Variants in HMCN1 observed in about 807,000 individuals in gnomAD.
The protein encoded by HMCN1 is hemicentin 1.
HMCN1 carries 321 observed loss-of-function variants against 625.9 expected under a neutral mutation model. The ratio of observed to expected loss-of-function variants is 0.51; its 90% CI spans 0.47 to 0.56. The LOEUF (loss-of-function observed/expected upper bound fraction) is 0.56. Ranked by LOEUF, HMCN1 falls within the 20% of genes least tolerant of loss-of-function variation. The probability of loss-of-function intolerance (pLI) is 0.00; values close to 1 mark genes in which losing one functional copy is unlikely to be tolerated. For synonymous variants in HMCN1, 2,425 were observed against 2,417.6 expected (o/e 1.00, Z -0.09); for missense variants, 6,588 against 6,887.3 (o/e 0.96, Z 1.54).
Position 185,734,853 on chromosome 1 carries a change from GC to G in HMCN1, c.79del (p.Gln27SerfsTer22). On this transcript the variant is annotated frameshift_variant, in exon 1 of 107. Transcript: ENST00000271588. LOFTEE classifies it high-confidence loss of function. The stretch of plus-strand genomic sequence containing the variant: ...TATTCTTCCCTAGCTCAAGATGCGA[GC>G]CCCCAGTCAGAGATCAGAGCTGAGG... ...LLYSSLAQDA[S>X]PQSEIRAEEI... The G allele has an allele frequency of 6.2e-7, 1 of 1,614,042 alleles. No individual in the cohort carries two copies.
chr1:186,110,194 A>G (rs758567855), intron 71 of HMCN1, among the ~76,000 whole-genome samples: 8 of 152,360 alleles, frequency 5.3e-5, no homozygotes, highest in Middle Eastern at 3.4e-3. Context: ...ACTTTAAAAA[A>G]AAGCGGCCTT....
Position 186,076,466 on chromosome 1 carries a change from A to G in HMCN1, c.8329A>G (p.Met2777Val). 1 of 1,613,728 alleles carries G rather than the reference A, an allele frequency of 6.2e-7. No individual in the cohort carries two copies. The highest frequency in any genetic ancestry group is 1.1e-5 in the South Asian group (1 of 91,082). ...TCAGAAACTCTGGGAAATAGGAAAC[A>G]TGCTAGATACTGGCAGGAATGGTGA... ...SFQKLWEIGN[M>V]LDTGRNGEAK... The change falls in exon 54 of 107, where the codon ATG becomes GTG. Residue 2777 changes from methionine to valine, a missense_variant. Met to Val is a conservative substitution (Grantham distance 21, BLOSUM62 1). Coordinates refer to ENST00000271588, the MANE Select transcript of HMCN1 (RefSeq NM_031935.3).
intron 64 of HMCN1, 127 bp from the exon 65 acceptor site, chr1:186,093,007 C>A: frequency 8.2e-7 from 1 of 1,217,218 alleles, no homozygotes; most frequent in Non-Finnish European, 1.2e-6. Context: ...AGACTCGCTA[C>A]TGTAGAATTT....
rs1418042390 is a variant in HMCN1, at chr1:185,902,525, A to C, written c.622-6812A>C. Among the ~76,000 whole-genome samples the C allele has an allele frequency of 2.0e-5, 3 of 151,668 alleles. No homozygotes were observed. In the East Asian group the frequency reaches 5.8e-4, roughly 29 times the overall value. On this transcript the variant is annotated intron_variant, in intron 4 of 106. Coordinates refer to ENST00000271588, the MANE Select transcript of HMCN1 (RefSeq NM_031935.3). ...TCATGGAGTCCAGATTCACCATTTCAAATATATGTGCAATAGTGTTTTATG... is the reference window on the plus strand; with the variant it reads ...TCATGGAGTCCAGATTCACCATTTCCAATATATGTGCAATAGTGTTTTATG...
intron 1 of HMCN1, among the ~76,000 whole-genome samples, chr1:185,818,130 A>G (rs1659956673): frequency 6.6e-6 from 1 of 152,240 alleles, no homozygotes; most frequent in Non-Finnish European, 1.5e-5. Context: ...GCACCTAGAT[A>G]TATTTTCTTT....
At position 185,865,765 on chromosome 1, in the gene HMCN1, T is replaced by C. The variant is rs781180621; in HGVS notation, c.523T>C (p.Cys175Arg). ...GGTCGTATTTGTTCTGACTGGAGAT[T>C]GTGATGACAGGACCCATATTGGATA... ...SQVVFVLTGDCDDRTHIGYKV... is the reference protein window; with the variant it reads ...SQVVFVLTGDRDDRTHIGYKV... Residue 175 changes from cysteine (C) to arginine (R), a missense_variant, in exon 4 of 107, where the codon TGT becomes CGT. Physicochemically the swap from Cys to Arg is radical, Grantham distance 180. Transcript: ENST00000271588. 4 of 1,612,238 alleles carry C rather than the reference T, an allele frequency of 2.5e-6. No homozygotes were observed. The highest frequency in any genetic ancestry group is 2.5e-6 in the Non-Finnish European group (3 of 1,178,846).
chr1:185,974,786 A>G (rs1402919231), intron 15 of HMCN1, among the ~76,000 whole-genome samples: 2 of 152,116 alleles, frequency 1.3e-5, no homozygotes, highest in African/African-American at 2.4e-5. Context: ...ACCAGTACAT[A>G]TATTCTTTGA....
intron 53 of HMCN1, among the ~76,000 whole-genome samples, chr1:186,076,069 C>T (rs1231883528): frequency 6.6e-6 from 1 of 152,116 alleles, no homozygotes; most frequent in Non-Finnish European, 1.5e-5. Flanking sequence ...CTCAATTGAA[C>T]CAGTATTTTT....
rs1244479778 is a variant in HMCN1 at position 186,125,884 on chromosome 1, T to TAATA, written c.12690+92_12690+95dup. The stretch of plus-strand genomic sequence containing the variant: ...TAATTTAGCATGGAAGTATATTCTT[T>TAATA]AATAATTAAAAAAAATATTCTTGTA... On this transcript the variant is annotated intron_variant, in intron 82 of 106. Transcript: ENST00000271588. 26 of 902,734 alleles carry TAATA rather than the reference T, an allele frequency of 2.9e-5. No individual in the cohort carries two copies. In the African/African-American group the frequency reaches 6.2e-4, roughly 21 times the overall value. The allele number at this position is 902,734 out of a possible 1,614,324, so 55.9% of individuals were successfully genotyped here.
At chr1:186,056,794 T>C (rs1446444162) in intron 45 of HMCN1, among the ~76,000 whole-genome samples, 1 of 151,910 alleles carries the variant, frequency 6.6e-6, no homozygotes, top group African/African-American at 2.4e-5. Flanking sequence ...TCTTGGGTTC[T>C]ATGCTTACCA....
Position 185,977,827 on chromosome 1 carries a change from G to A in HMCN1, c.2412G>A (p.Met804Ile), listed in dbSNP as rs1371971425. ...TACAAGAACCTGCTGATGTGTCTATGGAAATTGGCTCAAATGTGACATTAC... is the reference window on the plus strand; with the variant it reads ...TACAAGAACCTGCTGATGTGTCTATAGAAATTGGCTCAAATGTGACATTAC... Reference protein sequence around the residue: ...VFIQEPADVSMEIGSNVTLPC... With the variant: ...VFIQEPADVSIEIGSNVTLPC... The change falls in exon 16 of 107, where the codon ATG (methionine) becomes ATA (isoleucine). Residue 804 changes from methionine (M) to isoleucine (I), a missense_variant. Transcript: ENST00000271588. 2.5e-6 allele frequency: 4 copies of A among 1,613,086 alleles called. No individual in the cohort carries two copies. The African/African-American group carries it at 5.3e-5, about 22-fold the overall frequency.
intron 36 of HMCN1, among the ~76,000 whole-genome samples, chr1:186,029,736 C>T (rs1038536957): frequency 6.6e-6 from 1 of 151,574 alleles, no homozygotes; most frequent in Non-Finnish European, 1.5e-5. Context: ...TTTGTATATA[C>T]TCTAATTTTT....
At chr1:186,130,933 C>T (rs760181781) in intron 85 of HMCN1, among the ~76,000 whole-genome samples, 24 of 152,098 alleles carry the variant, frequency 1.6e-4, no homozygotes, top group Non-Finnish European at 3.2e-4. Flanking sequence ...TACTAATTAA[C>T]ATTTGGAGAT....
chr1:186,015,106 G>A, intron 30 of HMCN1, 53 bp from the exon 31 acceptor site: 1 of 1,489,664 alleles, frequency 6.7e-7, no homozygotes, highest in Admixed American at 1.7e-5. Context: ...TTAAGATTTT[G>A]ATGAAGATGC....
intron 1 of HMCN1, among the ~76,000 whole-genome samples, chr1:185,782,600 T>A (rs974350668): frequency 2.0e-5 from 3 of 152,218 alleles, no homozygotes; most frequent in African/African-American, 7.2e-5. Context: ...TCTCCTTCAC[T>A]TATGAAGCTT....
intron 1 of HMCN1, among the ~76,000 whole-genome samples, chr1:185,763,116 A>G (rs1655620659): frequency 6.6e-6 from 1 of 152,184 alleles, no homozygotes; most frequent in Non-Finnish European, 1.5e-5. Flanking sequence ...GGACGCTGGT[A>G]AATTGATCAT....
chr1:186,016,252 G>A lies in HMCN1; in HGVS notation c.5191+13G>A, dbSNP rs1381750897. 22 of 1,609,210 alleles carry A rather than the reference G, an allele frequency of 1.4e-5. No homozygotes were observed. Among genetic ancestry groups the A allele is most frequent in the Non-Finnish European group, 1.9e-5 (22 of 1,176,266 alleles). On this transcript the variant is annotated intron_variant, in intron 32 of 106. Transcript: ENST00000271588. The stretch of plus-strand genomic sequence containing the variant: ...GTTGATGTCTTGGGTAAATAAGGAT[G>A]CCACTGCCTGGGTTCTCAGATTCAT...
At chr1:185,760,052 G>A (rs772782512) in intron 1 of HMCN1, among the ~76,000 whole-genome samples, 6 of 152,114 alleles carry the variant, frequency 3.9e-5, no homozygotes, top group Non-Finnish European at 7.4e-5. Context: ...GGTGAGCAAG[G>A]TCATGTTTTG....
At chr1:186,003,696 T>A in intron 28 of HMCN1, 22 bp from the exon 29 acceptor site, 1 of 1,612,424 alleles carries the variant, frequency 6.2e-7, no homozygotes, top group Non-Finnish European at 8.5e-7. Context: ...CAGAGTTTCA[T>A]AATACACTGT....
Sources: gnomAD v4.1 joint callset for allele counts (sites outside exome capture counted in the v4.1 genomes callset) on GRCh38, gnomAD v4.1.1 for gene constraint, MANE v1.5 for transcripts, NCBI Gene and HGNC (gene_info 2026-07-23, HGNC 2026-07-21) for gene names.